The following EVA1A variants were observed in gnomAD, a reference collection of about 807,000 sequenced individuals.
EVA1A encodes eva-1 homolog A, regulator of programmed cell death.
A neutral mutation model predicts 9.8 loss-of-function variants in EVA1A; 7 were observed. That is an observed-to-expected ratio of 0.71 (90% CI 0.41 to 1.34). EVA1A has a LOEUF of 1.34. Among genes scored for constraint, EVA1A ranks in the 40% most tolerant of loss-of-function variants. The probability of loss-of-function intolerance (pLI) is 0.01; values close to 1 mark genes in which losing one functional copy is unlikely to be tolerated. For missense variants in EVA1A, 206 were observed against 205.9 expected (o/e 1.00, Z 0.00); for synonymous variants, 90 against 85.6 (o/e 1.05, Z -0.28).
chr2:75,527,297 G>T (rs1341135031), intron 1 of EVA1A, among the ~76,000 whole-genome samples: 1 of 152,196 alleles, frequency 6.6e-6, no homozygotes. Context: ...GAAGGCACAA[G>T]GGGAGAGATG....
intron 3 of EVA1A, among the ~76,000 whole-genome samples, chr2:75,510,589 T>C (rs1013178431): frequency 6.6e-6 from 1 of 152,192 alleles, no homozygotes; most frequent in African/African-American, 2.4e-5. Context: ...CTAAACAGCA[T>C]AACTGTACTT....
chr2:75,505,512 G>A (rs555228678), intron 3 of EVA1A, among the ~76,000 whole-genome samples: 38 of 152,260 alleles, frequency 2.5e-4, no homozygotes, highest in Middle Eastern at 3.4e-3. Context: ...GTATGTGTAC[G>A]TATGTGGGTA....
In EVA1A at chr2:75,513,685, A is replaced by C. The variant is rs377466571; in HGVS notation, c.85+4371T>G. On this transcript the variant is annotated intron_variant, in intron 3 of 3. Transcript: ENST00000393913. ...TTTAAAAACTGTGGTATATTTACAA[A>C]ATGAAATATTATTCGGCCTTAACAA... is the stretch of plus-strand genomic sequence containing the variant. 2.0e-5 allele frequency among the ~76,000 whole-genome samples: 3 copies of C among 152,236 alleles called. No individual in the cohort carries two copies. In the East Asian group the frequency reaches 5.8e-4, roughly 29 times the overall value.
At chr2:75,525,173 T>C (rs1182650365) in intron 1 of EVA1A, among the ~76,000 whole-genome samples, 2 of 152,154 alleles carry the variant, frequency 1.3e-5, no homozygotes, top group Non-Finnish European at 2.9e-5. Context: ...TTGTTCTTTC[T>C]CAAATATTTG....
At chr2:75,568,363 T>A (rs1312261030) in intron 1 of EVA1A, among the ~76,000 whole-genome samples, 10 of 150,034 alleles carry the variant, frequency 6.7e-5, no homozygotes, top group Admixed American at 6.7e-4. Context: ...AAGGATATTG[T>A]TTAATATTAA....
intron 3 of EVA1A, among the ~76,000 whole-genome samples, chr2:75,505,456 A>G (rs994848855): frequency 1.3e-5 from 2 of 152,202 alleles, no homozygotes; most frequent in African/African-American, 2.4e-5. Context: ...TGAAGACACC[A>G]TTTCCAAAAG....
At chr2:75,520,300 G>C (rs2103854001) in intron 2 of EVA1A, among the ~76,000 whole-genome samples, 1 of 141,272 alleles carries the variant, frequency 7.1e-6, no homozygotes, top group South Asian at 2.2e-4. Flanking sequence ...TTTTATGGCA[G>C]TCCCAAAATC....
chr2:75,543,846 C>T (rs1476945), intron 1 of EVA1A, among the ~76,000 whole-genome samples: 73,967 of 152,056 alleles, frequency 0.49, 18,688 homozygotes, highest in African/African-American at 0.62. Context: ...CAGGGAGGTC[C>T]TCCCAAGCCA....
chr2:75,562,928 T>G (rs1676954478), upstream of EVA1A, among the ~76,000 whole-genome samples: 1 of 152,188 alleles, frequency 6.6e-6, no homozygotes, highest in East Asian at 1.9e-4. Flanking sequence ...AGGGCACAGG[T>G]GCCAATAGGT....
intron 3 of EVA1A, among the ~76,000 whole-genome samples, chr2:75,506,497 G>T (rs1403890691): frequency 6.6e-6 from 1 of 152,174 alleles, no homozygotes; most frequent in African/African-American, 2.4e-5. Context: ...GAGGCGTGGG[G>T]TCTTGGCATT....
chr2:75,514,005 C>T (rs1489122395), intron 3 of EVA1A, among the ~76,000 whole-genome samples: 3 of 151,964 alleles, frequency 2.0e-5, no homozygotes, highest in African/African-American at 7.3e-5. Context: ...CTAAGGGATG[C>T]TAAAAAATAA....
At chr2:75,498,512 CA>C (rs1674294314) in intron 3 of EVA1A, among the ~76,000 whole-genome samples, 1 of 151,990 alleles carries the variant, frequency 6.6e-6, no homozygotes, top group Admixed American at 6.5e-5. Flanking sequence ...AAAACAGAAA[CA>C]AAAAACTAAT....
chr2:75,534,086 G>C (rs955880758), intron 1 of EVA1A, among the ~76,000 whole-genome samples: 7 of 152,002 alleles, frequency 4.6e-5, no homozygotes. Flanking sequence ...ATTTAAAAAA[G>C]CACTTAGCAG....
chr2:75,529,382 C>T (rs1675565864), intron 1 of EVA1A, among the ~76,000 whole-genome samples: 5 of 152,176 alleles, frequency 3.3e-5, no homozygotes, highest in African/African-American at 1.2e-4. Context: ...TTAAACTATA[C>T]CCTAGAACAA....
chr2:75,518,668 C>T (rs1400837311), intron 2 of EVA1A: 24 of 987,674 alleles, frequency 2.4e-5, no homozygotes, highest in Non-Finnish European at 2.6e-5. Context: ...ATTTGATTCT[C>T]CCTGGTTCAC....
intron 1 of EVA1A, among the ~76,000 whole-genome samples, chr2:75,557,047 C>A (rs1412804847): frequency 2.6e-5 from 4 of 152,168 alleles, no homozygotes; most frequent in Non-Finnish European, 5.9e-5. Flanking sequence ...CCCTAAAAAA[C>A]CCACAAGGCT....
chr2:75,503,368 T>C (rs1207247797), intron 3 of EVA1A, among the ~76,000 whole-genome samples: 2 of 152,222 alleles, frequency 1.3e-5, no homozygotes, highest in Non-Finnish European at 2.9e-5. Flanking sequence ...GGGAGGGCTA[T>C]TGTCAGTTGT....
chr2:75,540,771 T>C (rs998765346), intron 1 of EVA1A: 3 of 152,146 alleles, frequency 2.0e-5, no homozygotes, highest in African/African-American at 7.2e-5. Flanking sequence ...GAAGCTCCCA[T>C]GGAATCGGAT....
intron 3 of EVA1A, among the ~76,000 whole-genome samples, chr2:75,501,320 C>T (rs1674410739): frequency 6.6e-6 from 1 of 152,194 alleles, no homozygotes; most frequent in Non-Finnish European, 1.5e-5. Flanking sequence ...TTGAACTTCG[C>T]AAATGTTTAA....
Sources: gnomAD v4.1 joint callset for allele counts (sites outside exome capture counted in the v4.1 genomes callset) on GRCh38, gnomAD v4.1.1 for gene constraint, MANE v1.5 for transcripts, NCBI Gene and HGNC (gene_info 2026-07-23, HGNC 2026-07-21) for gene names.